Variants in SLC1A1 observed in about 807,000 individuals in gnomAD.
SLC1A1 encodes the protein excitatory amino acid transporter 3.
A neutral mutation model predicts 53.3 loss-of-function variants in SLC1A1; 43 were observed. The observed-to-expected ratio is 0.81, with a 90% CI of 0.63 to 1.04. The LOEUF is 1.04. Ranked by LOEUF, SLC1A1 falls within the 50% of genes least tolerant of loss-of-function variation. The pLI, the probability that SLC1A1 is intolerant of heterozygous loss-of-function variation, is 0.00. For synonymous variants in SLC1A1, 307 were observed against 243.2 expected (o/e 1.26, Z -2.44); for missense variants, 748 against 664.9 (o/e 1.12, Z -1.37).
At chr9:4,564,252 G>C (rs1231526326) in intron 3 of SLC1A1, 92 bp from the exon 4 acceptor site, 1 of 873,002 alleles carries the variant, frequency 1.1e-6, no homozygotes, top group African/African-American at 1.7e-5. Flanking sequence ...ACTATTGCCT[G>C]GTACAACCAT....
chr9:4,566,512 C>A (rs146991601), intron 5 of SLC1A1, among the ~76,000 whole-genome samples: 1 of 152,210 alleles, frequency 6.6e-6, no homozygotes, highest in East Asian at 1.9e-4. Context: ...AGGATCTAAC[C>A]CTCATGGTGT....
At chr9:4,517,740 C>A (rs1186557252) in intron 1 of SLC1A1, among the ~76,000 whole-genome samples, 7 of 152,112 alleles carry the variant, frequency 4.6e-5, no homozygotes, top group African/African-American at 1.2e-4. Context: ...TTTAGTTTCT[C>A]TTTAAAAATT....
chr9:4,498,109 T>G (rs1586687352), intron 1 of SLC1A1, among the ~76,000 whole-genome samples: 1 of 152,216 alleles, frequency 6.6e-6, no homozygotes, highest in Non-Finnish European at 1.5e-5. Flanking sequence ...TAAGAACCTT[T>G]AGCTTTATGA....
chr9:4,585,348 T>C lies in SLC1A1; in HGVS notation c.1365T>C (p.Asp455=), dbSNP rs775675351. Residue 455 remains aspartate (D), a synonymous_variant, in exon 12 of 12, where the codon GAT becomes GAC. Transcript: ENST00000262352. ...RFRTMVNVLG[D]AFGTGIVEKL... ...GGACCATGGTCAACGTCCTTGGTGATGCTTTTGGGACGGGCATTGTGGAAA... is the reference window on the plus strand; with the variant it reads ...GGACCATGGTCAACGTCCTTGGTGACGCTTTTGGGACGGGCATTGTGGAAA... 8 of 1,614,196 alleles carry C rather than the reference T, an allele frequency of 5.0e-6. 1 individual carries two copies. In the South Asian group the frequency reaches 7.7e-5, roughly 16 times the overall value.
intron 1 of SLC1A1, among the ~76,000 whole-genome samples, chr9:4,501,208 G>A (rs1820618983): frequency 6.7e-6 from 1 of 149,560 alleles, no homozygotes; most frequent in Admixed American, 6.6e-5. Context: ...TTTTGAGACA[G>A]AGTCTCACTC....
At chr9:4,542,416 TA>T (rs1370727251) in intron 1 of SLC1A1, among the ~76,000 whole-genome samples, 1 of 152,208 alleles carries the variant, frequency 6.6e-6, no homozygotes, top group African/African-American at 2.4e-5. Flanking sequence ...CATATCTTTC[TA>T]ATGACCCTAC....
chr9:4,537,598 TAAAA>T lies in SLC1A1; in HGVS notation c.92-6958_92-6955del, dbSNP rs552005556. On this transcript the variant is annotated intron_variant, in intron 1 of 11. Coordinates refer to ENST00000262352, the MANE Select transcript of SLC1A1 (RefSeq NM_004170.6). ...TAAAATAAAATAAAATAAAATAAAA[TAAAA>T]AAAAAAAAAATCACATGCTACAACA... 2.2e-4 allele frequency among the ~76,000 whole-genome samples: 28 copies of T among 125,046 alleles called. 8 individuals are homozygous for T. The highest frequency in any genetic ancestry group is 8.3e-4 in the African/African-American group (27 of 32,482). The allele number at this position is 125,046 out of a possible 152,430, so 82.0% of individuals were successfully genotyped here.
Position 4,583,146 on chromosome 9 carries a change from C to T in SLC1A1, c.1302C>T (p.Thr434=). Residue 434 remains threonine (T), a synonymous_variant, in exon 11 of 12, where the codon ACC becomes ACT. Transcript: ENST00000262352. This position sits in a 1 kb window ranked among gnomAD's most constrained non-coding sequence, Gnocchi z 4.6. ...TGGGCCTGCCCGCCGAGGATGTCAC[C>T]CTGATCATTGCTGTCGACTGGCTCC... ...SAVGLPAEDV[T]LIIAVDWLLD... 2 of 1,614,212 alleles carry T rather than the reference C, an allele frequency of 1.2e-6. No homozygotes were observed. Among genetic ancestry groups the T allele is most frequent in the Non-Finnish European group, 1.7e-6 (2 of 1,180,044 alleles).
chr9:4,539,937 T>A (rs1480097121), intron 1 of SLC1A1, among the ~76,000 whole-genome samples: 2 of 152,174 alleles, frequency 1.3e-5, no homozygotes, highest in Non-Finnish European at 2.9e-5. Flanking sequence ...AGAGAAATTC[T>A]GGGCAGAAGA....
chr9:4,528,150 C>A (rs7025968), intron 1 of SLC1A1, among the ~76,000 whole-genome samples: 1 of 151,972 alleles, frequency 6.6e-6, no homozygotes, highest in Non-Finnish European at 1.5e-5. Context: ...GCTAATTGAT[C>A]AGAGTCTCCC....
chr9:4,517,477 T>C (rs1441732799), intron 1 of SLC1A1, among the ~76,000 whole-genome samples: 2 of 152,174 alleles, frequency 1.3e-5, no homozygotes, highest in Non-Finnish European at 2.9e-5. Context: ...CAGAAAACAT[T>C]TGTAAGATTG....
At chr9:4,541,896 T>C (rs1379509458) in intron 1 of SLC1A1, among the ~76,000 whole-genome samples, 1 of 152,180 alleles carries the variant, frequency 6.6e-6, no homozygotes, top group African/African-American at 2.4e-5. Context: ...TCTGACTCTG[T>C]TAATGGGTAA....
chr9:4,521,315 G>A (rs1428599989), intron 1 of SLC1A1, among the ~76,000 whole-genome samples: 1 of 152,132 alleles, frequency 6.6e-6, no homozygotes, highest in Non-Finnish European at 1.5e-5. Context: ...ATAAGTATTT[G>A]GAAGGTCATC....
intron 2 of SLC1A1, among the ~76,000 whole-genome samples, chr9:4,557,966 A>C (rs1439728072): frequency 6.6e-6 from 1 of 152,168 alleles, no homozygotes; most frequent in Non-Finnish European, 1.5e-5. Context: ...AATGGGGGTA[A>C]TAATGCCCGC....
chr9:4,583,963 A>G lies in SLC1A1; in HGVS notation c.1328+791A>G, dbSNP rs1478291984. On this transcript the variant is annotated intron_variant, in intron 11 of 11. Coordinates refer to ENST00000262352, the MANE Select transcript of SLC1A1 (RefSeq NM_004170.6). The surrounding 1 kb of genome is among the most constrained non-coding windows in gnomAD (Gnocchi z 4.6). Reference sequence around the variant, plus strand: ...TGAGAAAGTACCTTCAGTGACCCTCAAGGTTAAAGTTAGAACCAGCCTGGC... The same window carrying G: ...TGAGAAAGTACCTTCAGTGACCCTCGAGGTTAAAGTTAGAACCAGCCTGGC... Among the ~76,000 whole-genome samples, 1 of 151,864 alleles carries G rather than the reference A, an allele frequency of 6.6e-6. No individual in the cohort carries two copies. The highest frequency in any genetic ancestry group is 1.5e-5 in the Non-Finnish European group (1 of 67,996).
chr9:4,567,514 G>C (rs566010551), intron 5 of SLC1A1, among the ~76,000 whole-genome samples, 155 bp from the exon 6 acceptor site: 1 of 152,180 alleles, frequency 6.6e-6, no homozygotes, highest in Non-Finnish European at 1.5e-5. Flanking sequence ...CCTGATGGGA[G>C]GTACCGTTGA....
chr9:4,528,139 T>A (rs956507185), intron 1 of SLC1A1, among the ~76,000 whole-genome samples: 4 of 152,100 alleles, frequency 2.6e-5, no homozygotes, highest in Non-Finnish European at 4.4e-5. Context: ...GTGATGACAG[T>A]GCTAATTGAT....
intron 7 of SLC1A1, 35 bp from the exon 8 acceptor site, chr9:4,573,872 G>A (rs768392148): frequency 3.5e-6 from 5 of 1,423,500 alleles, no homozygotes; most frequent in Non-Finnish European, 5.0e-6. Flanking sequence ...AGCACTTGAT[G>A]ACGGAATCAC....
At chr9:4,573,716 G>A (rs1820278609) in intron 7 of SLC1A1, among the ~76,000 whole-genome samples, 191 bp from the exon 8 acceptor site, 1 of 152,038 alleles carries the variant, frequency 6.6e-6, no homozygotes, top group African/African-American at 2.4e-5. Context: ...GTGCACACAG[G>A]TACTAAAAAC....
Sources: allele counts gnomAD v4.1 joint callset (sites outside exome capture counted in the v4.1 genomes callset), GRCh38; gene constraint gnomAD v4.1.1; non-coding constraint Gnocchi (gnomAD v3.1); transcripts MANE v1.5; gene names NCBI Gene and HGNC (gene_info 2026-07-23, HGNC 2026-07-21).